Variants in IMMP2L observed in about 807,000 individuals in gnomAD.
IMMP2L encodes inner mitochondrial membrane peptidase subunit 2.
IMMP2L carries 18 observed loss-of-function variants against 19.3 expected under a neutral mutation model. That is an observed-to-expected ratio of 0.93 (90% confidence interval 0.64 to 1.38). The LOEUF (loss-of-function observed/expected upper bound fraction) is 1.38. Among genes scored for constraint, IMMP2L ranks in the 40% most tolerant of loss-of-function variants. The pLI is 0.00. For missense variants in IMMP2L, 233 were observed against 218.2 expected, an observed-to-expected ratio of 1.07 and a Z score of -0.43; for synonymous variants, 76 against 73.0, an observed-to-expected ratio of 1.04 and a Z score of -0.21.
intron 5 of IMMP2L, among the ~76,000 whole-genome samples, chr7:110,839,341 T>A (rs916776571): frequency 1.3e-5 from 2 of 152,038 alleles, no homozygotes; most frequent in Non-Finnish European, 2.9e-5. Context: ...AAAAAAAAAG[T>A]CTATTAGGAT....
intron 5 of IMMP2L, among the ~76,000 whole-genome samples, chr7:110,761,911 G>A (rs1245270713): frequency 3.3e-5 from 5 of 152,036 alleles, no homozygotes; most frequent in Non-Finnish European, 7.4e-5. Flanking sequence ...TGTTCTGTTT[G>A]TACCAAAGCT....
At chr7:111,099,141 A>G (rs1455261552) in intron 3 of IMMP2L, among the ~76,000 whole-genome samples, 1 of 151,714 alleles carries the variant, frequency 6.6e-6, no homozygotes, top group Non-Finnish European at 1.5e-5. Context: ...CATCGAGTGG[A>G]AGTCAACATA....
rs535448819 is a variant in IMMP2L at position 110,939,958 on chromosome 7, T to C, written c.305+23542A>G. 3.2e-4 allele frequency among the ~76,000 whole-genome samples: 49 copies of C among 152,282 alleles called. 2 individuals carry two copies. Among genetic ancestry groups the C allele is most frequent in the African/African-American group, 1.1e-3 (44 of 41,556 alleles). On this transcript the variant is annotated intron_variant, in intron 4 of 5. Transcript: ENST00000405709. ...ACAGTAGTACTACATTACTACACCATTGACTGAGAGAGTCTCCTTATCTGG... is the reference window on the plus strand; with the variant it reads ...ACAGTAGTACTACATTACTACACCACTGACTGAGAGAGTCTCCTTATCTGG...
chr7:111,033,638 GAAGT>G (rs1170709890), intron 3 of IMMP2L, among the ~76,000 whole-genome samples: 1 of 152,088 alleles, frequency 6.6e-6, no homozygotes, highest in Non-Finnish European at 1.5e-5. Flanking sequence ...GCAATAAAAA[GAAGT>G]AAGCTATTAA....
At chr7:110,883,235 A>G (rs1809875658) in intron 5 of IMMP2L, among the ~76,000 whole-genome samples, 2 of 152,152 alleles carry the variant, frequency 1.3e-5, no homozygotes, top group African/African-American at 4.8e-5. Flanking sequence ...TAAACTTCAA[A>G]AGGAATTCCA....
intron 5 of IMMP2L, among the ~76,000 whole-genome samples, chr7:110,702,936 A>C (rs1451177744): frequency 6.6e-6 from 1 of 152,150 alleles, no homozygotes; most frequent in African/African-American, 2.4e-5. Flanking sequence ...CCTTCAGTAC[A>C]ACACTGAATT....
intron 5 of IMMP2L, among the ~76,000 whole-genome samples, chr7:110,795,343 AGC>A (rs1800789673): frequency 6.6e-6 from 1 of 152,088 alleles, no homozygotes; most frequent in Non-Finnish European, 1.5e-5. Flanking sequence ...AAAAGTCTAA[AGC>A]AAGATTGGTG....
intron 5 of IMMP2L, among the ~76,000 whole-genome samples, chr7:110,861,293 G>A (rs867484823): frequency 6.7e-6 from 1 of 149,660 alleles, no homozygotes; most frequent in African/African-American, 2.5e-5. Flanking sequence ...TTTTTTTTTT[G>A]GAGACAGGGT....
chr7:111,018,004 A>G (rs1825879097), intron 3 of IMMP2L, among the ~76,000 whole-genome samples: 2 of 152,228 alleles, frequency 1.3e-5, no homozygotes, highest in Admixed American at 1.3e-4. Flanking sequence ...AGCAATGGAT[A>G]TATTTAGTGC....
chr7:110,865,345 AAT>A (rs1807879068), intron 5 of IMMP2L, among the ~76,000 whole-genome samples: 2 of 152,044 alleles, frequency 1.3e-5, no homozygotes, highest in African/African-American at 4.8e-5. Context: ...AAGAAATGTA[AAT>A]ATGTTTCCTG....
Position 111,548,843 on chromosome 7 carries a change from T to C in IMMP2L, c.-3+13008A>G, listed in dbSNP as rs192245023. ...TACCTTGCCCTCGTGGCTTAACCCATACAGAGACTGGTCATAAGTGCTTTA... is the reference window on the plus strand; with the variant it reads ...TACCTTGCCCTCGTGGCTTAACCCACACAGAGACTGGTCATAAGTGCTTTA... On this transcript the variant is annotated intron_variant, in intron 1 of 5. Coordinates refer to ENST00000405709, the MANE Select transcript of IMMP2L (RefSeq NM_032549.4). 6.8e-4 allele frequency among the ~76,000 whole-genome samples: 103 copies of C among 152,244 alleles called. 1 individual carries two copies. The highest frequency in any genetic ancestry group is 1.1e-3 in the Non-Finnish European group (73 of 68,002).
chr7:110,928,925 C>T (rs542071214), intron 4 of IMMP2L, among the ~76,000 whole-genome samples: 1 of 152,212 alleles, frequency 6.6e-6, no homozygotes, highest in African/African-American at 2.4e-5. Flanking sequence ...CCACAGATTC[C>T]TGGTGCTGAT....
chr7:111,491,408 T>C (rs770403489), intron 2 of IMMP2L, among the ~76,000 whole-genome samples: 5 of 152,110 alleles, frequency 3.3e-5, no homozygotes, highest in Admixed American at 6.6e-5. Context: ...CCTTATTTGG[T>C]AAGATCATTC....
chr7:110,788,762 A>G (rs1309412456), intron 5 of IMMP2L, among the ~76,000 whole-genome samples: 1 of 151,756 alleles, frequency 6.6e-6, no homozygotes. Flanking sequence ...TGTAGTCCAA[A>G]GAGGGCTGCC....
In IMMP2L at chr7:111,434,382, T is replaced by C. The variant is rs115530048; in HGVS notation, c.239+52856A>G. 5.2e-3 allele frequency among the ~76,000 whole-genome samples: 772 copies of C among 149,846 alleles called. 23 individuals are homozygous for C. The highest frequency in any genetic ancestry group is 0.019 in the African/African-American group (747 of 40,336). The stretch of plus-strand genomic sequence containing the variant: ...ATAGACAAATGAGGATTAAATACAG[T>C]AAAAAGCTTCTGCACAGCAAAAGAA... On this transcript the variant is annotated intron_variant, in intron 3 of 5. Transcript: ENST00000405709.
chr7:111,557,734 G>C (rs1791535867), intron 1 of IMMP2L, among the ~76,000 whole-genome samples: 1 of 152,078 alleles, frequency 6.6e-6, no homozygotes, highest in Non-Finnish European at 1.5e-5. Context: ...AAGATCCTTG[G>C]TCAAAGATGA....
intron 3 of IMMP2L, among the ~76,000 whole-genome samples, chr7:111,309,207 G>A (rs1382598996): frequency 6.6e-6 from 1 of 152,114 alleles, no homozygotes; most frequent in Non-Finnish European, 1.5e-5. Context: ...TTCATTATTT[G>A]CAGTTTTATT....
chr7:111,435,908 T>C (rs1837116564), intron 3 of IMMP2L, among the ~76,000 whole-genome samples: 1 of 151,712 alleles, frequency 6.6e-6, no homozygotes, highest in South Asian at 2.1e-4. Context: ...ATAGCAGCTA[T>C]CAGACCCCCT....
intron 3 of IMMP2L, among the ~76,000 whole-genome samples, chr7:111,008,283 T>C (rs995243070): frequency 2.6e-5 from 4 of 152,020 alleles, no homozygotes; most frequent in African/African-American, 9.7e-5. Flanking sequence ...AGTCCTACCA[T>C]CAACCTCAAC....
Sources: allele counts gnomAD v4.1 joint callset (sites outside exome capture counted in the v4.1 genomes callset), GRCh38; gene constraint gnomAD v4.1.1; transcripts MANE v1.5; gene names NCBI Gene and HGNC (gene_info 2026-07-23, HGNC 2026-07-21).